GAL3ST2: variants seen among roughly 807,000 people sequenced by gnomAD.
The protein encoded by GAL3ST2 is beta-galactose-3-O-sulfotransferase 2.
GAL3ST2 carries 16 observed loss-of-function variants against 12.9 expected under a neutral mutation model. The observed-to-expected ratio is 1.24, with a 90% CI of 0.84 to 1.88. GAL3ST2 has a LOEUF of 1.88. GAL3ST2 is among the 40% of genes most tolerant of loss of function. GAL3ST2 has a pLI of 0.00. For missense variants in GAL3ST2, 639 were observed against 571.8 expected, an observed-to-expected ratio of 1.12 and a Z score of -1.20; for synonymous variants, 302 against 273.9, an observed-to-expected ratio of 1.10 and a Z score of -1.01.
rs1699759980 is a variant in GAL3ST2 at position 241,795,360 on chromosome 2, T to C, written c.30-3705T>C. 1.3e-5 allele frequency among the ~76,000 whole-genome samples: 2 copies of C among 152,336 alleles called. No individual in the cohort carries two copies. Among genetic ancestry groups the C allele is most frequent in the African/African-American group, 4.8e-5 (2 of 41,580 alleles). On this transcript the variant is annotated intron_variant, in intron 1 of 3. Coordinates refer to ENST00000192314, the MANE Select transcript of GAL3ST2 (RefSeq NM_022134.3). The surrounding 1 kb of genome is among the most constrained non-coding windows in gnomAD (Gnocchi z 4.5). Reference sequence around the variant, plus strand: ...GTTGCAAAGAACAGAGACAGATTCATGCTGCCGCAAGGCCAAGGGGGGTAT... The same window carrying C: ...GTTGCAAAGAACAGAGACAGATTCACGCTGCCGCAAGGCCAAGGGGGGTAT...
In GAL3ST2 at chr2:241,802,154, A is replaced by T; in HGVS notation, c.375+118A>T. On this transcript the variant is annotated intron_variant, in intron 3 of 3. Coordinates refer to ENST00000192314, the MANE Select transcript of GAL3ST2 (RefSeq NM_022134.3). The surrounding 1 kb of genome is among the most constrained non-coding windows in gnomAD (Gnocchi z 4.8). ...TGTAAGGCTTGGGGGCGGGGCGTGC[A>T]GAAGGCGGGTTGGGAGGGCCTGGGC... 5.9e-6 allele frequency: 7 copies of T among 1,189,844 alleles called. No individual in the cohort carries two copies. Among genetic ancestry groups the T allele is most frequent in the East Asian group, 2.7e-5 (1 of 37,722 alleles). The allele number at this position is 1,189,844 out of a possible 1,614,324, so 73.7% of individuals were successfully genotyped here. A position where few individuals can be genotyped will look rare whatever the true frequency, so the allele number is the denominator to read the frequency against.
In GAL3ST2 at chr2:241,804,193, C is replaced by T. The variant is rs1699905005; in HGVS notation, c.*27C>T. ...GGGGCCGGGCCGGGGACGAGGCCTC[C>T]TGCGGACACCAGCTCCTCTCTCCGC... On this transcript the variant is annotated 3_prime_UTR_variant, in exon 4 of 4. Coordinates refer to ENST00000192314, the MANE Select transcript of GAL3ST2 (RefSeq NM_022134.3). 2 of 1,381,798 alleles carry T rather than the reference C, an allele frequency of 1.4e-6. No homozygotes were observed. Among genetic ancestry groups the T allele is most frequent in the African/African-American group, 1.5e-5 (1 of 65,890 alleles). 85.6% of individuals were successfully genotyped at this position (1,381,798 alleles called of 1,614,324 possible).
rs1380984867 is a variant in GAL3ST2 at position 241,803,385 on chromosome 2, T to G, written c.416T>G (p.Ile139Ser). ...VMPNDTFYFS[I>S]LRNPVFQLES... ...CCCAACGACACCTTCTACTTCTCCA[T>G]CCTGAGGAACCCCGTGTTCCAGCTG... The change falls in exon 4 of 4, where the codon ATC (isoleucine) becomes AGC (serine). Residue 139 changes from isoleucine (I) to serine (S), a missense_variant. Transcript: ENST00000192314. 2.5e-6 allele frequency: 4 copies of G among 1,612,196 alleles called. No individual in the cohort carries two copies. Among genetic ancestry groups the G allele is most frequent in the Admixed American group, 3.3e-5 (2 of 59,888 alleles).
Position 241,801,411 on chromosome 2 carries a change from T to G in GAL3ST2, c.120-370T>G. On this transcript the variant is annotated intron_variant, in intron 2 of 3. Coordinates refer to ENST00000192314, the MANE Select transcript of GAL3ST2 (RefSeq NM_022134.3). This position sits in a 1 kb window ranked among gnomAD's most constrained non-coding sequence, Gnocchi z 4.4. ...GGTCTAAACCGCAAAGGGGAGGGGGTGTGACGAGGCGTCTACCTCCCATCC... is the reference window on the plus strand; with the variant it reads ...GGTCTAAACCGCAAAGGGGAGGGGGGGTGACGAGGCGTCTACCTCCCATCC... The G allele has an allele frequency of 1.7e-5, 5 of 297,190 alleles. No individual in the cohort carries two copies. Among genetic ancestry groups the G allele is most frequent in the South Asian group, 1.1e-4 (2 of 17,920 alleles). The allele number at this position is 297,190 out of a possible 1,614,324, so 18.4% of individuals were successfully genotyped here.
chr2:241,798,368 A>T lies in GAL3ST2; in HGVS notation c.30-697A>T, dbSNP rs953838917. On this transcript the variant is annotated intron_variant, in intron 1 of 3. Transcript: ENST00000192314. ...CTCACCGTTCTGGAGGCCGGAAGGC[A>T]TGCGATCTCGAGCCAGCATGGCGGG... Among the ~76,000 whole-genome samples the T allele has an allele frequency of 2.6e-5, 4 of 152,208 alleles. No individual in the cohort carries two copies. In the South Asian group the frequency reaches 8.3e-4, roughly 32 times the overall value.
chr2:241,804,010 C>G lies in GAL3ST2; in HGVS notation c.1041C>G (p.Ala347=), dbSNP rs1553617242. Residue 347 remains alanine, a synonymous_variant, in exon 4 of 4, where the codon GCC becomes GCG. Transcript: ENST00000192314. ...PRLRPYQSGK[A]DILGYNLRPG... Reference sequence around the variant, plus strand: ...TGCGCCCCTACCAGTCCGGCAAGGCCGACATCCTGGGTTACAACCTCCGGC... The same window carrying G: ...TGCGCCCCTACCAGTCCGGCAAGGCGGACATCCTGGGTTACAACCTCCGGC... 1.3e-6 allele frequency: 2 copies of G among 1,568,070 alleles called. No homozygotes were observed. The highest frequency in any genetic ancestry group is 1.2e-5 in the South Asian group (1 of 84,266).
At chr2:241,792,668 C>A (rs1699708208) in intron 1 of GAL3ST2, among the ~76,000 whole-genome samples, 2 of 152,006 alleles carry the variant, frequency 1.3e-5, no homozygotes, top group Admixed American at 6.6e-5. Context: ...CATGAGAGAT[C>A]AGATGAAACC....
chr2:241,780,508 G>C (rs1161899530), intron 1 of GAL3ST2, among the ~76,000 whole-genome samples: 2 of 152,164 alleles, frequency 1.3e-5, no homozygotes, highest in Non-Finnish European at 2.9e-5. Context: ...GACAGAGCGA[G>C]ACTGTCTCAA....
At chr2:241,798,681 G>A (rs1017198584) in intron 1 of GAL3ST2, among the ~76,000 whole-genome samples, 1 of 152,134 alleles carries the variant, frequency 6.6e-6, no homozygotes, top group Non-Finnish European at 1.5e-5. Flanking sequence ...CAGATCCCCT[G>A]GGGGCCTGGG....
intron 1 of GAL3ST2, among the ~76,000 whole-genome samples, chr2:241,779,810 AC>A (rs1211884097): frequency 6.6e-6 from 1 of 151,146 alleles, no homozygotes; most frequent in Non-Finnish European, 1.5e-5. Flanking sequence ...ACATGGAGAA[AC>A]CCCGTCTCTA....
chr2:241,794,661 T>C (rs1016315528), intron 1 of GAL3ST2, among the ~76,000 whole-genome samples: 1 of 152,144 alleles, frequency 6.6e-6, no homozygotes, highest in African/African-American at 2.4e-5. Context: ...TGAGGCTCTT[T>C]GGGAACGACT....
At chr2:241,791,378 A>G (rs1408516203) in intron 1 of GAL3ST2, among the ~76,000 whole-genome samples, 1 of 152,232 alleles carries the variant, frequency 6.6e-6, no homozygotes, top group African/African-American at 2.4e-5. Flanking sequence ...ACTCCAATGT[A>G]CTAAGGCTTT....
At chr2:241,788,610 C>CAGCCAAAG (rs1250710490) in intron 1 of GAL3ST2, among the ~76,000 whole-genome samples, 4 of 152,186 alleles carry the variant, frequency 2.6e-5, no homozygotes, top group African/African-American at 9.7e-5. Flanking sequence ...CTGCTTCTCC[C>CAGCCAAAG]AGCCAAAGGT....
At position 241,799,098 on chromosome 2, in the gene GAL3ST2, C is replaced by T. The variant is rs1699811852; in HGVS notation, c.63C>T (p.Ala21=). The stretch of plus-strand genomic sequence containing the variant: ...GGGTCATCCTCCTCCTCCTCCTGGC[C>T]CTGACTCTGCTCCTGCTGGCCGGAT... ...YFRVILLLLL[A]LTLLLLAGFL... is the part of the protein sequence containing the mutation. Residue 21 remains alanine (A), a synonymous_variant, in exon 2 of 4, where the codon GCC becomes GCT. Coordinates refer to ENST00000192314, the MANE Select transcript of GAL3ST2 (RefSeq NM_022134.3). The T allele has an allele frequency of 1.2e-6, 2 of 1,613,630 alleles. No individual in the cohort carries two copies. The highest frequency in any genetic ancestry group is 1.7e-5 in the Admixed American group (1 of 60,000).
At position 241,793,632 on chromosome 2, in the gene GAL3ST2, TTTGTG is replaced by T. The variant is rs1699732070; in HGVS notation, c.30-5431_30-5427del. ...GTGTATTGTGTGTGTACATATTGTG[TTTGTG>T]TGTACATATTGTGTATGCATATGTG... On this transcript the variant is annotated intron_variant, in intron 1 of 3. Transcript: ENST00000192314. This position sits in a 1 kb window ranked among gnomAD's most constrained non-coding sequence, Gnocchi z 4.7. Among the ~76,000 whole-genome samples the T allele has an allele frequency of 4.6e-5, 7 of 151,306 alleles. No individual in the cohort carries two copies. The highest frequency in any genetic ancestry group is 1.7e-4 in the African/African-American group (7 of 40,988).
In GAL3ST2 at chr2:241,803,876, C is replaced by G; in HGVS notation, c.907C>G (p.Leu303Val). The change falls in exon 4 of 4, where the codon CTG becomes GTG. Residue 303 changes from leucine (L) to valine (V), a missense_variant. By Grantham distance (32) the Leu-to-Val change is conservative. Coordinates refer to ENST00000192314, the MANE Select transcript of GAL3ST2 (RefSeq NM_022134.3). The part of the protein sequence containing the change: ...QLRAELGPRR[L>V]RGEVERLRAR... ...GCGCGCCGAGCTGGGGCCGCGGCGG[C>G]TGCGCGGGGAGGTGGAGCGGCTGCG... is the stretch of plus-strand genomic sequence containing the variant. 7.0e-7 allele frequency: 1 copy of G among 1,421,938 alleles called. No homozygotes were observed. The highest frequency in any genetic ancestry group is 1.6e-5 in the South Asian group (1 of 63,290). The allele number at this position is 1,421,938 out of a possible 1,614,324, so 88.1% of individuals were successfully genotyped here.
rs1282205251 is a variant in GAL3ST2, at chr2:241,795,156, A to G, written c.30-3909A>G. Among the ~76,000 whole-genome samples the G allele has an allele frequency of 6.6e-6, 1 of 151,950 alleles. No individual in the cohort carries two copies. On this transcript the variant is annotated intron_variant, in intron 1 of 3. Transcript: ENST00000192314. This position sits in a 1 kb window ranked among gnomAD's most constrained non-coding sequence, Gnocchi z 4.5. ...ACGGTGCTCTGGGTCGGTCACGGGC[A>G]CCTGTGGCTGGGCTCACCTCCTGGG...
At chr2:241,799,300 G>A in intron 2 of GAL3ST2, 146 bp downstream of exon 2, 1 of 752,158 alleles carries the variant, frequency 1.3e-6, no homozygotes, top group Non-Finnish European at 2.3e-6. Flanking sequence ...TCCTTGGGGG[G>A]ACCCTGAGAG....
At chr2:241,790,443 ATAC>A (rs1237806402) in intron 1 of GAL3ST2, among the ~76,000 whole-genome samples, 4 of 152,220 alleles carry the variant, frequency 2.6e-5, no homozygotes, top group Non-Finnish European at 5.9e-5. Flanking sequence ...ACAATTCAGT[ATAC>A]TCCTATGAAC....
Sources: gnomAD v4.1 joint callset for allele counts (sites outside exome capture counted in the v4.1 genomes callset) on GRCh38, gnomAD v4.1.1 for gene constraint, Gnocchi (gnomAD v3.1) non-coding constraint, MANE v1.5 for transcripts, NCBI Gene and HGNC (gene_info 2026-07-23, HGNC 2026-07-21) for gene names.